Variants in CHCHD6 observed in about 807,000 individuals in gnomAD.
CHCHD6 encodes the protein coiled-coil-helix-coiled-coil-helix domain containing 6.
CHCHD6 carries 28 observed loss-of-function variants against 32.3 expected under a neutral mutation model. The ratio of observed to expected loss-of-function variants is 0.87; its 90% CI spans 0.64 to 1.19. CHCHD6 has a LOEUF of 1.19. Ranked by LOEUF, CHCHD6 falls within the 50% of genes most tolerant of loss-of-function variation. CHCHD6 has a pLI of 0.00. For missense variants in CHCHD6, 333 were observed against 307.0 expected (o/e 1.08, Z -0.63); for synonymous variants, 122 against 117.5 (o/e 1.04, Z -0.25).
At chr3:126,729,549 G>T (rs1935687590) in intron 2 of CHCHD6, among the ~76,000 whole-genome samples, 1 of 152,258 alleles carries the variant, frequency 6.6e-6, no homozygotes, top group African/African-American at 2.4e-5. Flanking sequence ...AATAAGCATG[G>T]CGAGCACTAG....
At chr3:126,948,924 A>T (rs968900064) in intron 6 of CHCHD6, among the ~76,000 whole-genome samples, 1 of 152,230 alleles carries the variant, frequency 6.6e-6, no homozygotes, top group Admixed American at 6.5e-5. Context: ...CACTGGGCCC[A>T]TGAATGGGTT....
intron 5 of CHCHD6, among the ~76,000 whole-genome samples, chr3:126,862,278 T>C (rs1356294945): frequency 0.066 from 1,335 of 20,180 alleles, no homozygotes; most frequent in Middle Eastern, 0.21. Flanking sequence ...CCTCCTCCTC[T>C]ACCATCACCA....
chr3:126,790,441 C>T (rs1005641477), intron 4 of CHCHD6, among the ~76,000 whole-genome samples: 6 of 152,224 alleles, frequency 3.9e-5, no homozygotes, highest in African/African-American at 1.4e-4. Flanking sequence ...TCCATTCTCC[C>T]TGTCACTTTC....
chr3:126,778,208 C>T (rs1229992334), intron 4 of CHCHD6, among the ~76,000 whole-genome samples: 4 of 152,180 alleles, frequency 2.6e-5, no homozygotes, highest in Non-Finnish European at 5.9e-5. Flanking sequence ...TTTTTAGCTA[C>T]TATGAATAGT....
intron 5 of CHCHD6, among the ~76,000 whole-genome samples, chr3:126,874,449 G>T (rs2077515282): frequency 6.6e-6 from 1 of 152,154 alleles, no homozygotes; most frequent in African/African-American, 2.4e-5. Flanking sequence ...GTCAGGATGT[G>T]TACCATGTAG....
intron 5 of CHCHD6, among the ~76,000 whole-genome samples, chr3:126,889,052 C>G (rs1389506200): frequency 2.0e-5 from 3 of 152,164 alleles, no homozygotes; most frequent in Non-Finnish European, 4.4e-5. Context: ...GGGTGAGTGA[C>G]CAGCACGGGT....
At position 126,817,090 on chromosome 3, in the gene CHCHD6, G is replaced by A. The variant is rs1303684562; in HGVS notation, c.412-35557G>A. Among the ~76,000 whole-genome samples the A allele has an allele frequency of 2.6e-5, 4 of 152,154 alleles. No homozygotes were observed. The East Asian group carries it at 7.7e-4, about 29-fold the overall frequency. On this transcript the variant is annotated intron_variant, in intron 4 of 7. Coordinates refer to ENST00000290913, the MANE Select transcript of CHCHD6 (RefSeq NM_032343.3). ...GGAACTTGTTATTTAAAGGAGCCCT[G>A]CTGTGGATTGTTTTGCAAGGGTAAG...
chr3:126,706,837 A>T (rs544055266), intron 1 of CHCHD6, among the ~76,000 whole-genome samples: 33 of 152,322 alleles, frequency 2.2e-4, no homozygotes, highest in African/African-American at 7.5e-4. Context: ...AAGGGAACAA[A>T]TCAGTTCATT....
At chr3:126,770,443 A>G (rs1262707436) in intron 4 of CHCHD6, among the ~76,000 whole-genome samples, 1 of 152,202 alleles carries the variant, frequency 6.6e-6, no homozygotes, top group Non-Finnish European at 1.5e-5. Context: ...TTTTGCCCAT[A>G]CAATATGATA....
intron 4 of CHCHD6, among the ~76,000 whole-genome samples, chr3:126,755,335 G>T (rs1936910305): frequency 6.6e-6 from 1 of 152,218 alleles, no homozygotes; most frequent in Non-Finnish European, 1.5e-5. Context: ...AAGGCCCAGG[G>T]TGAGGCTAGG....
At chr3:126,925,147 C>G (rs2078304545) in intron 6 of CHCHD6, among the ~76,000 whole-genome samples, 1 of 152,224 alleles carries the variant, frequency 6.6e-6, no homozygotes, top group Non-Finnish European at 1.5e-5. Flanking sequence ...GCTCCTCATT[C>G]TGTCCTGTCA....
At chr3:126,710,918 TCTTTCC>T (rs1181423169) in intron 1 of CHCHD6, among the ~76,000 whole-genome samples, 1 of 152,128 alleles carries the variant, frequency 6.6e-6, no homozygotes, top group East Asian at 1.9e-4. Context: ...ATGCCCTTCT[TCTTTCC>T]CTCTTGCTTT....
intron 5 of CHCHD6, among the ~76,000 whole-genome samples, chr3:126,898,158 A>C (rs1019034670): frequency 1.3e-5 from 2 of 152,266 alleles, no homozygotes; most frequent in Non-Finnish European, 2.9e-5. Flanking sequence ...TCCTGCCGCC[A>C]GCCCGGCTCG....
chr3:126,957,611 T>G lies in CHCHD6; in HGVS notation c.702+60T>G, dbSNP rs767614601. The stretch of plus-strand genomic sequence containing the variant: ...CCTTGGGAGGTAGGCGAGGTACCTC[T>G]ATCTAGCATTGGAGATCTCTGCCTG... On this transcript the variant is annotated intron_variant, in intron 7 of 7. Coordinates refer to ENST00000290913, the MANE Select transcript of CHCHD6 (RefSeq NM_032343.3). The G allele has an allele frequency of 2.6e-6, 4 of 1,521,628 alleles. No individual in the cohort carries two copies. The South Asian group carries it at 4.8e-5, about 18-fold the overall frequency. The allele number at this position is 1,521,628 out of a possible 1,614,324, so 94.3% of individuals were successfully genotyped here. A position where few individuals can be genotyped will look rare whatever the true frequency, so the allele number is the denominator to read the frequency against.
intron 1 of CHCHD6, among the ~76,000 whole-genome samples, chr3:126,724,176 A>G (rs1025719452): frequency 4.6e-5 from 7 of 152,130 alleles, no homozygotes; most frequent in Admixed American, 4.6e-4. Context: ...GTATTTAAAA[A>G]CCATCAGGAT....
At position 126,848,313 on chromosome 3, in the gene CHCHD6, C is replaced by G. The variant is rs529892269; in HGVS notation, c.412-4334C>G. On this transcript the variant is annotated intron_variant, in intron 4 of 7. Coordinates refer to ENST00000290913, the MANE Select transcript of CHCHD6 (RefSeq NM_032343.3). ...ATAATTTTTCCCTTGTTGTTCTCAG[C>G]TTAGAGTTTGTCTTATCCATTTCAT... is the stretch of plus-strand genomic sequence containing the variant. 2.0e-5 allele frequency among the ~76,000 whole-genome samples: 3 copies of G among 152,218 alleles called. No individual in the cohort carries two copies. The South Asian group carries it at 6.2e-4, about 32-fold the overall frequency.
intron 6 of CHCHD6, among the ~76,000 whole-genome samples, chr3:126,946,304 C>T (rs1357733580): frequency 2.0e-5 from 3 of 152,224 alleles, no homozygotes; most frequent in Non-Finnish European, 2.9e-5. Flanking sequence ...AATGAGGGTG[C>T]ATCTCCTCTT....
intron 5 of CHCHD6, among the ~76,000 whole-genome samples, chr3:126,889,328 C>T (rs1420597609): frequency 6.6e-6 from 1 of 152,166 alleles, no homozygotes; most frequent in Non-Finnish European, 1.5e-5. Context: ...AAGGGCTGCC[C>T]TGGAGGCTGC....
intron 4 of CHCHD6, among the ~76,000 whole-genome samples, chr3:126,784,094 T>G (rs1346282237): frequency 1.3e-5 from 2 of 152,132 alleles, no homozygotes; most frequent in African/African-American, 4.8e-5. Context: ...TGCAGGTAGC[T>G]TTCTGTGAGA....
Sources: gnomAD v4.1 joint callset for allele counts (sites outside exome capture counted in the v4.1 genomes callset) on GRCh38, gnomAD v4.1.1 for gene constraint, MANE v1.5 for transcripts, NCBI Gene and HGNC (gene_info 2026-07-23, HGNC 2026-07-21) for gene names.